LPP: variants seen among roughly 807,000 people sequenced by gnomAD.
LPP encodes the protein lipoma-preferred partner.
Under a neutral mutation model 60.4 loss-of-function variants are expected in LPP, and 38 were observed. That is an observed-to-expected ratio of 0.63 (90% confidence interval 0.49 to 0.83). The LOEUF (loss-of-function observed/expected upper bound fraction) is 0.83, where lower values mean the gene tolerates loss of function less well. LPP is among the 40% of genes least tolerant of loss of function. LPP has a pLI of 0.00. For synonymous variants in LPP, 328 were observed against 290.8 expected, an observed-to-expected ratio of 1.13 and a Z score of -1.30; for missense variants, 902 against 783.6, an observed-to-expected ratio of 1.15 and a Z score of -1.80.
intron 7 of LPP, among the ~76,000 whole-genome samples, chr3:188,626,407 A>C (rs1487522822): frequency 6.6e-6 from 1 of 152,192 alleles, no homozygotes; most frequent in East Asian, 1.9e-4. Flanking sequence ...GGATTTGAGC[A>C]TCCATAGAGT....
chr3:188,656,232 AAAG>A (rs1853181599), intron 7 of LPP, among the ~76,000 whole-genome samples: 1 of 151,786 alleles, frequency 6.6e-6, no homozygotes, highest in South Asian at 2.1e-4. Flanking sequence ...TTGATTTTAG[AAAG>A]AAGGTCTGTG....
chr3:188,317,745 A>G (rs1755515089), intron 2 of LPP, among the ~76,000 whole-genome samples: 1 of 151,674 alleles, frequency 6.6e-6, no homozygotes, highest in Non-Finnish European at 1.5e-5. Context: ...AATGCCTGAA[A>G]TGCTGTATTA....
chr3:188,239,195 G>T (rs1441653877), intron 2 of LPP, among the ~76,000 whole-genome samples: 3 of 152,214 alleles, frequency 2.0e-5, no homozygotes, highest in Non-Finnish European at 2.9e-5. Flanking sequence ...CCTGCGGCAG[G>T]CACACCTGCA....
Position 188,880,155 on chromosome 3 carries a change from C to G in LPP, c.*5676C>G, listed in dbSNP as rs1002029722. The G allele has an allele frequency of 1.2e-5, 2 of 162,508 alleles. No individual in the cohort carries two copies. Among genetic ancestry groups the G allele is most frequent in the Admixed American group, 6.5e-5 (1 of 15,466 alleles). 10.1% of individuals were successfully genotyped at this position (162,508 alleles called of 1,614,324 possible). ...ACGCCATTCTCCTGTCTCAGCCTCCCGAGTAGCTGGGACTACAGGCGCCTG... is the reference window on the plus strand; with the variant it reads ...ACGCCATTCTCCTGTCTCAGCCTCCGGAGTAGCTGGGACTACAGGCGCCTG... On this transcript the variant is annotated 3_prime_UTR_variant, in exon 12 of 12. Transcript: ENST00000617246.
At chr3:188,313,631 C>T (rs1312128256) in intron 2 of LPP, among the ~76,000 whole-genome samples, 10 of 135,318 alleles carry the variant, frequency 7.4e-5, no homozygotes, top group South Asian at 2.4e-4. Context: ...AGTGAGACTC[C>T]GTCTCAAAAA....
At chr3:188,186,499 C>T (rs903062647) in intron 1 of LPP, among the ~76,000 whole-genome samples, 2 of 152,114 alleles carry the variant, frequency 1.3e-5, no homozygotes, top group Non-Finnish European at 2.9e-5. Flanking sequence ...ATGGTTTTCC[C>T]AGGAAAGCCC....
At chr3:188,295,139 CACAA>C (rs895136813) in intron 2 of LPP, among the ~76,000 whole-genome samples, 30 of 152,220 alleles carry the variant, frequency 2.0e-4, no homozygotes, top group African/African-American at 6.5e-4. Context: ...ACGGTTCGTA[CACAA>C]ACAGTTCTCT....
At chr3:188,565,533 A>G (rs1831924792) in intron 6 of LPP, among the ~76,000 whole-genome samples, 1 of 152,016 alleles carries the variant, frequency 6.6e-6, no homozygotes, top group South Asian at 2.1e-4. Context: ...CATAGTAATG[A>G]GCCCATTAGA....
intron 6 of LPP, among the ~76,000 whole-genome samples, chr3:188,548,499 C>T (rs1827249047): frequency 2.0e-5 from 3 of 152,082 alleles, no homozygotes; most frequent in African/African-American, 2.4e-5. Context: ...TTGAGCTGGG[C>T]GAGTTATCAC....
chr3:188,868,180 C>G (rs1024036101), intron 10 of LPP, among the ~76,000 whole-genome samples: 4 of 152,174 alleles, frequency 2.6e-5, no homozygotes, highest in Non-Finnish European at 4.4e-5. Context: ...TGTTCTGTTA[C>G]TGTTTCTCTC....
At chr3:188,616,132 C>T (rs1443185013) in intron 7 of LPP, among the ~76,000 whole-genome samples, 2 of 152,004 alleles carry the variant, frequency 1.3e-5, no homozygotes, top group East Asian at 1.9e-4. Context: ...TTGCTTTTGG[C>T]GTTTTCATCA....
At position 188,890,342 on chromosome 3, in the gene LPP, C is replaced by G. The variant is rs947065286; in HGVS notation, c.*15863C>G. Reference sequence around the variant, plus strand: ...TGGTATTCCTAAAATATAGGTTTCTCTTTTTTCTTGTATTCTTAGCAAATT... The same window carrying G: ...TGGTATTCCTAAAATATAGGTTTCTGTTTTTTCTTGTATTCTTAGCAAATT... On this transcript the variant is annotated 3_prime_UTR_variant, in exon 12 of 12. Coordinates refer to ENST00000617246, the MANE Select transcript of LPP (RefSeq NM_001375462.1). 9.8e-6 allele frequency: 2 copies of G among 205,038 alleles called. No individual in the cohort carries two copies. Among genetic ancestry groups the G allele is most frequent in the Admixed American group, 5.9e-5 (1 of 16,830 alleles). 12.7% of individuals were successfully genotyped at this position (205,038 alleles called of 1,614,324 possible).
intron 2 of LPP, among the ~76,000 whole-genome samples, chr3:188,310,865 G>C (rs947567763): frequency 2.0e-5 from 3 of 152,124 alleles, no homozygotes; most frequent in Admixed American, 2.0e-4. Context: ...TTATAGTAAA[G>C]AGAGCCAACA....
At chr3:188,296,240 G>C (rs1227489957) in intron 2 of LPP, among the ~76,000 whole-genome samples, 1 of 152,194 alleles carries the variant, frequency 6.6e-6, no homozygotes, top group Admixed American at 6.5e-5. Context: ...CAGGAGCTTG[G>C]AGTCTTATAG....
Position 188,880,966 on chromosome 3 carries a change from TA to T in LPP, c.*6502del, listed in dbSNP as rs11293941. 134,835 of 147,778 alleles carry T rather than the reference TA, an allele frequency of 0.91. 61,426 individuals carry two copies. Among genetic ancestry groups the T allele is most frequent in the Admixed American group, 0.94 (13,665 of 14,470 alleles). 9.2% of individuals were successfully genotyped at this position (147,778 alleles called of 1,614,324 possible). Reference sequence around the variant, plus strand: ...TAACACGGTGAAACCCCGTCTCTACTAAAAAAAAAAAAAAATACAAAAAATT... The same window carrying T: ...TAACACGGTGAAACCCCGTCTCTACTAAAAAAAAAAAAAATACAAAAAATT... On this transcript the variant is annotated 3_prime_UTR_variant, in exon 12 of 12. Coordinates refer to ENST00000617246, the MANE Select transcript of LPP (RefSeq NM_001375462.1).
At chr3:188,210,122 A>G (rs1734307553) in intron 1 of LPP, among the ~76,000 whole-genome samples, 1 of 152,192 alleles carries the variant, frequency 6.6e-6, no homozygotes, top group African/African-American at 2.4e-5. Flanking sequence ...AAAAACCAAT[A>G]TAATATAACA....
intron 7 of LPP, among the ~76,000 whole-genome samples, chr3:188,638,232 T>C (rs1849261015): frequency 6.9e-6 from 1 of 144,314 alleles, no homozygotes; most frequent in Non-Finnish European, 1.5e-5. Context: ...ATAAATGTAA[T>C]CCAGCATATA....
intron 1 of LPP, among the ~76,000 whole-genome samples, chr3:188,192,996 C>T (rs1175089017): frequency 2.0e-5 from 3 of 152,156 alleles, no homozygotes; most frequent in Admixed American, 6.5e-5. Flanking sequence ...TGACTTTTTA[C>T]TCCTGTGAAA....
intron 2 of LPP, among the ~76,000 whole-genome samples, chr3:188,235,593 C>A (rs922297999): frequency 6.6e-6 from 1 of 152,054 alleles, no homozygotes; most frequent in African/African-American, 2.4e-5. Flanking sequence ...TTCCTTTCTC[C>A]ATAATCTTGG....
Sources: gnomAD v4.1 joint callset for allele counts (sites outside exome capture counted in the v4.1 genomes callset) on GRCh38, gnomAD v4.1.1 for gene constraint, MANE v1.5 for transcripts, NCBI Gene and HGNC (gene_info 2026-07-23, HGNC 2026-07-21) for gene names.